AKAP6: variants seen among roughly 807,000 people sequenced by gnomAD.
The protein encoded by AKAP6 is A-kinase anchoring protein 6.
A neutral mutation model predicts 188.5 loss-of-function variants in AKAP6; 58 were observed. The observed-to-expected ratio is 0.31, with a 90% CI of 0.25 to 0.38. The LOEUF (loss-of-function observed/expected upper bound fraction) is 0.38, where lower values mean the gene tolerates loss of function less well. AKAP6 is among the 10% of genes least tolerant of loss of function. The pLI is 1.00. For synonymous variants in AKAP6, 989 were observed against 998.6 expected, an observed-to-expected ratio of 0.99 and a Z score of 0.18; for missense variants, 2,710 against 2,740.0, an observed-to-expected ratio of 0.99 and a Z score of 0.24.
rs549717331 is a variant in AKAP6, at chr14:32,829,099, T to A, written c.*43-749T>A. Among the ~76,000 whole-genome samples the A allele has an allele frequency of 2.0e-4, 30 of 152,322 alleles. 1 individual carries two copies. Among genetic ancestry groups the A allele is most frequent in the Non-Finnish European group, 4.3e-4 (29 of 68,020 alleles). On this transcript the variant is annotated intron_variant, in intron 13 of 13. Coordinates refer to ENST00000280979, the MANE Select transcript of AKAP6 (RefSeq NM_004274.5). ...TAGTTGCATCCTGCATTGCCTAAAC[T>A]TGGTATTTAGGTGTTCCTCACATTT... is the stretch of plus-strand genomic sequence containing the variant.
intron 12 of AKAP6, among the ~76,000 whole-genome samples, chr14:32,776,910 AG>A (rs1418172501): frequency 6.6e-6 from 1 of 152,172 alleles, no homozygotes; most frequent in Non-Finnish European, 1.5e-5. Flanking sequence ...CTACACAGAC[AG>A]GGCGCACCGG....
intron 9 of AKAP6, among the ~76,000 whole-genome samples, chr14:32,711,820 G>T (rs1371084155): frequency 6.6e-6 from 1 of 151,938 alleles, no homozygotes; most frequent in Non-Finnish European, 1.5e-5. Context: ...ATAAAGCCCT[G>T]GAGAAGGAGG....
intron 7 of AKAP6, among the ~76,000 whole-genome samples, chr14:32,654,786 C>T (rs1364170890): frequency 1.3e-5 from 2 of 151,546 alleles, no homozygotes; most frequent in Non-Finnish European, 2.9e-5. Context: ...AATATCGAGG[C>T]TATAGTGATC....
intron 9 of AKAP6, among the ~76,000 whole-genome samples, chr14:32,697,451 A>G (rs1325721586): frequency 6.6e-6 from 1 of 152,192 alleles, no homozygotes; most frequent in African/African-American, 2.4e-5. Flanking sequence ...TCTCAACCTA[A>G]TTTAACAAAA....
In AKAP6 at chr14:32,830,093, C is replaced by G. The variant is rs1394864077; in HGVS notation, c.*288C>G. The G allele has an allele frequency of 3.1e-6, 2 of 636,898 alleles. No homozygotes were observed. The highest frequency in any genetic ancestry group is 5.7e-6 in the Non-Finnish European group (2 of 351,910). 39.5% of individuals were successfully genotyped at this position (636,898 alleles called of 1,614,324 possible). ...GGATTCCTGTCCCAAGCTACCTCTACCAACCCTCTCTCTCCAGCTAGACTT... is the reference window on the plus strand; with the variant it reads ...GGATTCCTGTCCCAAGCTACCTCTAGCAACCCTCTCTCTCCAGCTAGACTT... On this transcript the variant is annotated 3_prime_UTR_variant, in exon 14 of 14. Transcript: ENST00000280979.
At chr14:32,510,436 G>GTATATATATA (rs1555335161) in intron 2 of AKAP6, among the ~76,000 whole-genome samples, 1 of 30,258 alleles carries the variant, frequency 3.3e-5, no homozygotes, top group African/African-American at 1.4e-4. Context: ...ATATATATAT[G>GTATATATATA]TGTATATATA....
intron 7 of AKAP6, among the ~76,000 whole-genome samples, chr14:32,624,914 A>G (rs1307938726): frequency 1.3e-5 from 2 of 152,144 alleles, no homozygotes; most frequent in Admixed American, 6.6e-5. Flanking sequence ...AATAATAAAC[A>G]TATATTTATG....
At chr14:32,627,358 A>T (rs954186227) in intron 7 of AKAP6, among the ~76,000 whole-genome samples, 1 of 152,120 alleles carries the variant, frequency 6.6e-6, no homozygotes, top group African/African-American at 2.4e-5. Flanking sequence ...ACTTGTAAGA[A>T]AATTAGTGGA....
At chr14:32,566,450 A>T (rs1884190770) in intron 4 of AKAP6, among the ~76,000 whole-genome samples, 1 of 152,202 alleles carries the variant, frequency 6.6e-6, no homozygotes, top group Non-Finnish European at 1.5e-5. Context: ...ACTCAAGATT[A>T]AAAGTTCAAG....
chr14:32,362,778 C>A, intron 1 of AKAP6, among the ~76,000 whole-genome samples: 1 of 152,214 alleles, frequency 6.6e-6, no homozygotes, highest in East Asian at 1.9e-4. Flanking sequence ...AGGGAAGTTG[C>A]ACAATCAGAT....
intron 2 of AKAP6, among the ~76,000 whole-genome samples, chr14:32,456,849 G>C (rs1392552183): frequency 3.9e-5 from 6 of 152,118 alleles, no homozygotes; most frequent in African/African-American, 1.4e-4. Context: ...CCCAAGAGGA[G>C]GGAATTACAT....
At chr14:32,591,547 C>CT (rs1315132215) in intron 5 of AKAP6, among the ~76,000 whole-genome samples, 3 of 149,388 alleles carry the variant, frequency 2.0e-5, no homozygotes, top group Non-Finnish European at 4.4e-5. Flanking sequence ...GCTAAATTCA[C>CT]TTTCAAATTC....
intron 1 of AKAP6, among the ~76,000 whole-genome samples, chr14:32,426,764 T>TA (rs1165523992): frequency 6.6e-6 from 1 of 152,028 alleles, no homozygotes. Flanking sequence ...ATGACTGCTG[T>TA]AGAGGAGGAA....
intron 1 of AKAP6, among the ~76,000 whole-genome samples, chr14:32,396,015 A>G (rs1045348484): frequency 6.6e-6 from 1 of 152,154 alleles, no homozygotes; most frequent in African/African-American, 2.4e-5. Context: ...ATTATTTGTG[A>G]GAGAAATATG....
chr14:32,444,501 G>T (rs1320342688), intron 2 of AKAP6, among the ~76,000 whole-genome samples: 1 of 152,146 alleles, frequency 6.6e-6, no homozygotes, highest in Non-Finnish European at 1.5e-5. Context: ...TTATCAGTTG[G>T]CTTTCTGGTA....
Position 32,433,676 on chromosome 14 carries a change from G to A in AKAP6, c.183G>A (p.Gly61=), listed in dbSNP as rs751250157. 1.7e-5 allele frequency: 27 copies of A among 1,613,994 alleles called. No individual in the cohort carries two copies. In the South Asian group the frequency reaches 2.4e-4, roughly 14 times the overall value. ...AAAAGCCACCCCCACTACACACAGG[G>A]GCTGACTGGAAGATTGTCCTCCACT... ...QYEKPPPLHT[G]ADWKIVLHLP... is the part of the protein sequence containing the mutation. Residue 61 remains glycine, a synonymous_variant, in exon 2 of 14, where the codon GGG becomes GGA. Transcript: ENST00000280979.
intron 7 of AKAP6, among the ~76,000 whole-genome samples, chr14:32,643,025 GACTT>G (rs1887826084): frequency 6.6e-6 from 1 of 152,196 alleles, no homozygotes; most frequent in African/African-American, 2.4e-5. Flanking sequence ...AATAAATCGA[GACTT>G]ACTAGGACAA....
intron 8 of AKAP6, among the ~76,000 whole-genome samples, chr14:32,687,896 A>T (rs1039109541): frequency 2.6e-5 from 4 of 152,180 alleles, no homozygotes; most frequent in Non-Finnish European, 5.9e-5. Flanking sequence ...AAACAAAAAA[A>T]TCTTACCAGT....
chr14:32,450,099 T>C (rs1209000986), intron 2 of AKAP6, among the ~76,000 whole-genome samples: 4 of 152,182 alleles, frequency 2.6e-5, no homozygotes, highest in Non-Finnish European at 5.9e-5. Flanking sequence ...TTACTAGAAG[T>C]TGGACACCAG....
Sources: allele counts gnomAD v4.1 joint callset (sites outside exome capture counted in the v4.1 genomes callset), GRCh38; gene constraint gnomAD v4.1.1; transcripts MANE v1.5; gene names NCBI Gene and HGNC (gene_info 2026-07-23, HGNC 2026-07-21).